The following KDM4C variants were observed in gnomAD, a reference collection of about 807,000 sequenced individuals.
The protein encoded by KDM4C is lysine-specific demethylase 4C.
Under a neutral mutation model 129.3 loss-of-function variants are expected in KDM4C, and 81 were observed. The observed-to-expected ratio is 0.63, with a 90% CI of 0.52 to 0.75. The LOEUF (loss-of-function observed/expected upper bound fraction) is 0.75, where lower values mean the gene tolerates loss of function less well. Among genes scored for constraint, KDM4C ranks in the 30% least tolerant of loss-of-function variants. KDM4C has a pLI of 0.00. For missense variants in KDM4C, 1,457 were observed against 1,304.0 expected (o/e 1.12, Z -1.81); for synonymous variants, 573 against 456.1 (o/e 1.26, Z -3.26).
chr9:7,028,928 G>A (rs1295238289), intron 15 of KDM4C, among the ~76,000 whole-genome samples: 2 of 152,132 alleles, frequency 1.3e-5, no homozygotes, highest in Non-Finnish European at 2.9e-5. Flanking sequence ...GAGGGGCGGC[G>A]TTGGTGATTC....
chr9:7,136,859 A>G (rs1444391397), intron 19 of KDM4C, among the ~76,000 whole-genome samples: 2 of 152,156 alleles, frequency 1.3e-5, no homozygotes, highest in Non-Finnish European at 2.9e-5. Flanking sequence ...TTAATGGATC[A>G]TGTGCTTTAA....
chr9:6,847,649 C>G (rs1466115382), intron 4 of KDM4C, among the ~76,000 whole-genome samples: 3 of 152,176 alleles, frequency 2.0e-5, no homozygotes, highest in African/African-American at 7.2e-5. Flanking sequence ...CTCGGCCTCC[C>G]AAAGTGCTGG....
At chr9:6,827,705 C>G (rs149611269) in intron 4 of KDM4C, among the ~76,000 whole-genome samples, 2,195 of 152,298 alleles carry the variant, frequency 0.014, 47 homozygotes, top group African/African-American at 0.05. Context: ...AAAGCCAGAA[C>G]ACTAACTGCC....
intron 1 of KDM4C, among the ~76,000 whole-genome samples, chr9:6,771,530 C>T (rs201352941): frequency 1.3e-5 from 2 of 151,534 alleles, no homozygotes; most frequent in East Asian, 2.0e-4. Flanking sequence ...AGGCCGGTCT[C>T]GAACTCCTGA....
At chr9:6,793,603 G>A (rs1184825309) in intron 2 of KDM4C, among the ~76,000 whole-genome samples, 1 of 149,232 alleles carries the variant, frequency 6.7e-6, no homozygotes, top group Non-Finnish European at 1.5e-5. Flanking sequence ...GCAATGGCGT[G>A]ATCTCGGCTC....
rs115525616 is a variant in KDM4C at position 6,985,030 on chromosome 9, C to T, written c.1354+626C>T. On this transcript the variant is annotated intron_variant, in intron 10 of 21. Coordinates refer to ENST00000381309, the MANE Select transcript of KDM4C (RefSeq NM_015061.6). ...TAATTCCTGTGTTCCTCTCATACTT[C>T]TCATCCTGTAAATCCTTCCTCATGG... 3.1e-3 allele frequency among the ~76,000 whole-genome samples: 466 copies of T among 152,270 alleles called. 4 individuals are homozygous for T. The highest frequency in any genetic ancestry group is 9.8e-3 in the African/African-American group (408 of 41,554).
intron 8 of KDM4C, among the ~76,000 whole-genome samples, chr9:6,896,047 TACTGTGTTGCA>T: frequency 6.6e-6 from 1 of 152,316 alleles, no homozygotes; most frequent in Non-Finnish European, 1.5e-5. Flanking sequence ...CTTATGAATT[TACTGTGTTGCA>T]TGTATATGTA....
rs961808530 is a variant in KDM4C at position 6,805,586 on chromosome 9, A to T, written c.145-13A>T. 1.9e-6 allele frequency: 3 copies of T among 1,574,044 alleles called. No individual in the cohort carries two copies. Among genetic ancestry groups the T allele is most frequent in the African/African-American group, 2.7e-5 (2 of 73,228 alleles). On this transcript the variant is annotated splice_polypyrimidine_tract_variant and intron_variant, in intron 2 of 21. Transcript: ENST00000381309. ...TTTCAAGATGATATTTTATTTCATT[A>T]TTTTATTTTTAGGTGATTCCTCCTA...
rs114802966 is a variant in KDM4C, at chr9:6,937,602, G to A, written c.922-43323G>A. Among the ~76,000 whole-genome samples the A allele has an allele frequency of 3.4e-3, 524 of 152,180 alleles. 2 individuals are homozygous for A. Among genetic ancestry groups the A allele is most frequent in the African/African-American group, 0.012 (493 of 41,510 alleles). Reference sequence around the variant, plus strand: ...TACCTGTTGTGCACATGCTGCTCTAGCAGGCTGGGAGTCTTCACCACAACA... The same window carrying A: ...TACCTGTTGTGCACATGCTGCTCTAACAGGCTGGGAGTCTTCACCACAACA... On this transcript the variant is annotated intron_variant, in intron 8 of 21. Transcript: ENST00000381309.
chr9:6,745,318 G>T (rs966853564), intron 1 of KDM4C, among the ~76,000 whole-genome samples: 6 of 151,894 alleles, frequency 4.0e-5, no homozygotes, highest in African/African-American at 1.5e-4. Context: ...AAAAATTTAG[G>T]CCAGGGATGG....
rs761871855 is a variant in KDM4C, at chr9:6,849,554, G to C, written c.483G>C (p.Val161=). 5 of 1,613,208 alleles carry C rather than the reference G, an allele frequency of 3.1e-6. No homozygotes were observed. The South Asian group carries it at 5.5e-5, about 18-fold the overall frequency. ...NIARLNTVLD[V]VEEECGISIE... ...CTCGCCTCAATACAGTCTTGGATGT[G>C]GTTGAAGAAGAGTGTGGCATTTCTA... is the stretch of plus-strand genomic sequence containing the variant. The change falls in exon 5 of 22, where the codon GTG becomes GTC. Residue 161 remains valine (V), a synonymous_variant. Coordinates refer to ENST00000381309, the MANE Select transcript of KDM4C (RefSeq NM_015061.6).
chr9:6,898,498 A>T (rs567034320), intron 8 of KDM4C, among the ~76,000 whole-genome samples: 2 of 152,226 alleles, frequency 1.3e-5, no homozygotes, highest in Admixed American at 6.5e-5. Flanking sequence ...TCATATTAAC[A>T]TGATATGTCA....
intron 13 of KDM4C, among the ~76,000 whole-genome samples, chr9:7,012,656 G>A (rs149327896): frequency 2.0e-3 from 306 of 152,184 alleles, no homozygotes; most frequent in Non-Finnish European, 3.2e-3. Context: ...TGTTTTCAGC[G>A]TCATTCCATA....
rs545654677 is a variant in KDM4C, at chr9:7,133,226, C to A, written c.2781+4990C>A. Among the ~76,000 whole-genome samples the A allele has an allele frequency of 5.5e-3, 834 of 151,416 alleles. 5 individuals are homozygous for A. The highest frequency in any genetic ancestry group is 9.1e-3 in the Non-Finnish European group (616 of 67,742). On this transcript the variant is annotated intron_variant, in intron 19 of 21. Coordinates refer to ENST00000381309, the MANE Select transcript of KDM4C (RefSeq NM_015061.6). ...CTTTAGTATGTAGAACTTTTTTTTT[C>A]TTTTTCCTTCCCATCTAGTTTATAC...
rs377042332 is a variant in KDM4C, at chr9:6,784,684, C to T, written c.-17-8288C>T. ...AGGTGGAACAAGATGGAGTGGTGATCGGAATGGGATGAAACGGATGAAATA... is the reference window on the plus strand; with the variant it reads ...AGGTGGAACAAGATGGAGTGGTGATTGGAATGGGATGAAACGGATGAAATA... On this transcript the variant is annotated intron_variant, in intron 1 of 21. Transcript: ENST00000381309. 2.1e-4 allele frequency among the ~76,000 whole-genome samples: 32 copies of T among 152,268 alleles called. No individual in the cohort carries two copies. In the South Asian group the frequency reaches 6.0e-3, roughly 29 times the overall value.
At chr9:6,744,302 G>A (rs1429245777) in intron 1 of KDM4C, among the ~76,000 whole-genome samples, 1 of 152,096 alleles carries the variant, frequency 6.6e-6, no homozygotes, top group Non-Finnish European at 1.5e-5. Flanking sequence ...GAGACGGGCA[G>A]ATCACGAGGT....
At chr9:6,863,743 C>T (rs1194110573) in intron 5 of KDM4C, among the ~76,000 whole-genome samples, 7 of 146,646 alleles carry the variant, frequency 4.8e-5, no homozygotes, top group South Asian at 2.2e-4. Flanking sequence ...TGCAGTGAGC[C>T]GAGATCTTGC....
intron 7 of KDM4C, among the ~76,000 whole-genome samples, chr9:6,892,189 G>T (rs1483585987): frequency 1.3e-5 from 2 of 152,116 alleles, no homozygotes; most frequent in Non-Finnish European, 2.9e-5. Context: ...AAAGATATAA[G>T]GGGTCTATCC....
intron 18 of KDM4C, 118 bp downstream of exon 18, chr9:7,103,988 T>G: frequency 1.1e-6 from 1 of 911,266 alleles, no homozygotes; most frequent in Non-Finnish European, 1.7e-6. Flanking sequence ...TTGACATGTC[T>G]AGACCGTGAG....
Sources: gnomAD v4.1 joint callset for allele counts (sites outside exome capture counted in the v4.1 genomes callset) on GRCh38, gnomAD v4.1.1 for gene constraint, MANE v1.5 for transcripts, NCBI Gene and HGNC (gene_info 2026-07-23, HGNC 2026-07-21) for gene names.